Variants in SPNS3 observed in about 807,000 individuals in gnomAD.
SPNS3 encodes protein spinster homolog 3.
Under a neutral mutation model 54.4 loss-of-function variants are expected in SPNS3, and 51 were observed. The observed-to-expected ratio is 0.94, with a 90% CI of 0.75 to 1.18. The LOEUF (loss-of-function observed/expected upper bound fraction) is 1.18, where lower values mean the gene tolerates loss of function less well. SPNS3 is among the 50% of genes most tolerant of loss of function. SPNS3 has a pLI of 0.00. For missense variants in SPNS3, 669 were observed against 677.4 expected, an observed-to-expected ratio of 0.99 and a Z score of 0.14; for synonymous variants, 309 against 294.7, an observed-to-expected ratio of 1.05 and a Z score of -0.50.
At chr17:4,445,249 C>T (rs1567555244) in intron 3 of SPNS3, 81 bp downstream of exon 3, 10 of 1,418,104 alleles carry the variant, frequency 7.1e-6, no homozygotes, top group Non-Finnish European at 7.7e-6. Context: ...GTCAGAGCTG[C>T]GTGGGGACAA....
At chr17:4,463,486 G>C (rs981038994) in intron 8 of SPNS3, among the ~76,000 whole-genome samples, 12 of 150,824 alleles carry the variant, frequency 8.0e-5, no homozygotes, top group African/African-American at 2.7e-4. Flanking sequence ...CCAGCACTTT[G>C]GGAGGTCAAG....
Position 4,453,034 on chromosome 17 carries a change from G to A in SPNS3, c.942G>A (p.Leu314=). The change falls in exon 8 of 12, where the codon CTG becomes CTA. Residue 314 remains leucine, a synonymous_variant. Coordinates refer to ENST00000355530, the MANE Select transcript of SPNS3 (RefSeq NM_182538.5). ...CCATCAGCCTGATTTTTGGGGCACT[G>A]ACCATCATGACCGGCGTCATTGGGG... ...SNPDSLIFGA[L]TIMTGVIGVI... is the part of the protein sequence containing the mutation. The A allele has an allele frequency of 6.2e-7, 1 of 1,613,744 alleles. No homozygotes were observed.
intron 8 of SPNS3, among the ~76,000 whole-genome samples, chr17:4,460,485 G>T (rs1243414869): frequency 2.1e-5 from 3 of 145,994 alleles, no homozygotes; most frequent in African/African-American, 2.6e-5. Flanking sequence ...AGGCTGGAGT[G>T]CAGTGGCGTG....
Position 4,445,550 on chromosome 17 carries a change from A to AT in SPNS3, c.402+388dup, listed in dbSNP as rs1185533182. Among the ~76,000 whole-genome samples the AT allele has an allele frequency of 3.3e-5, 5 of 151,780 alleles. No individual in the cohort carries two copies. The East Asian group carries it at 9.7e-4, about 29-fold the overall frequency. On this transcript the variant is annotated intron_variant, in intron 3 of 11. Transcript: ENST00000355530. ...GCCACCACGCCCAGCTAATTTTTGTATTTTTTAGTAGAGACAGGGTTTCAC... is the reference window on the plus strand; with the variant it reads ...GCCACCACGCCCAGCTAATTTTTGTATTTTTTTAGTAGAGACAGGGTTTCAC...
At chr17:4,449,161 G>C in intron 6 of SPNS3, 74 bp from the exon 7 acceptor site, 2 of 1,524,874 alleles carry the variant, frequency 1.3e-6, no homozygotes, top group Non-Finnish European at 1.8e-6. Flanking sequence ...GACTGCCCAG[G>C]AGTGGGGAGG....
At chr17:4,474,691 G>C (rs375072217) in intron 8 of SPNS3, among the ~76,000 whole-genome samples, 1 of 152,276 alleles carries the variant, frequency 6.6e-6, no homozygotes, top group East Asian at 1.9e-4. Context: ...ACAGGAGTGA[G>C]ACACAAGCAT....
At chr17:4,482,077 C>A (rs184111435) in intron 9 of SPNS3, 2 of 152,120 alleles carry the variant, frequency 1.3e-5, no homozygotes, top group Non-Finnish European at 2.9e-5. Flanking sequence ...TTAGTAGAGA[C>A]GGGGTTCACC....
chr17:4,458,209 CA>C (rs944521467), intron 8 of SPNS3, among the ~76,000 whole-genome samples: 4 of 152,300 alleles, frequency 2.6e-5, no homozygotes, highest in Non-Finnish European at 5.9e-5. Context: ...TTCTAGAAGC[CA>C]CCTTCCTGGT....
intron 8 of SPNS3, among the ~76,000 whole-genome samples, chr17:4,475,704 AG>A (rs1173531959): frequency 6.6e-6 from 1 of 152,148 alleles, no homozygotes; most frequent in African/African-American, 2.4e-5. Context: ...GTTCAGTGTG[AG>A]GTGCCTGTGG....
In SPNS3 at chr17:4,457,742, C is replaced by G. The variant is rs77424385; in HGVS notation, c.1113+4537C>G. On this transcript the variant is annotated intron_variant, in intron 8 of 11. Coordinates refer to ENST00000355530, the MANE Select transcript of SPNS3 (RefSeq NM_182538.5). The stretch of plus-strand genomic sequence containing the variant: ...GGCTGTGTTTTGGGGACACAGCTGC[C>G]CCCCCCTCACCCCCTGCACCCTGCA... Among the ~76,000 whole-genome samples, 1,099 of 147,126 alleles carry G rather than the reference C, an allele frequency of 7.5e-3. 12 individuals are homozygous for G. The highest frequency in any genetic ancestry group is 0.027 in the African/African-American group (1,052 of 39,654).
At chr17:4,448,663 C>T (rs761924714) in intron 6 of SPNS3, among the ~76,000 whole-genome samples, 15 of 152,208 alleles carry the variant, frequency 9.9e-5, no homozygotes, top group Non-Finnish European at 1.9e-4. Flanking sequence ...TGGGAGGATG[C>T]TGGGAATTCA....
intron 3 of SPNS3, 73 bp from the exon 4 acceptor site, chr17:4,445,975 C>A: frequency 6.6e-7 from 1 of 1,518,892 alleles, no homozygotes; most frequent in Non-Finnish European, 8.9e-7. Flanking sequence ...TTGGCTCCTC[C>A]GACAAACCCT....
chr17:4,479,004 C>A (rs1479525057), intron 9 of SPNS3, among the ~76,000 whole-genome samples: 1 of 152,104 alleles, frequency 6.6e-6, no homozygotes, highest in Non-Finnish European at 1.5e-5. Flanking sequence ...GTGCAATGGC[C>A]TGATCTTGGC....
chr17:4,448,580 A>G (rs909948698), intron 6 of SPNS3, among the ~76,000 whole-genome samples: 11 of 152,230 alleles, frequency 7.2e-5, no homozygotes, highest in South Asian at 2.1e-4. Context: ...AAGTGGCTCC[A>G]GCACTCAGAG....
At chr17:4,458,898 C>T (rs1971420003) in intron 8 of SPNS3, among the ~76,000 whole-genome samples, 1 of 151,894 alleles carries the variant, frequency 6.6e-6, no homozygotes, top group African/African-American at 2.4e-5. Context: ...GGAACTAGGC[C>T]CAGCCCCTTA....
chr17:4,448,099 T>C, intron 5 of SPNS3, 56 bp from the exon 6 acceptor site: 3 of 1,480,078 alleles, frequency 2.0e-6, no homozygotes, highest in South Asian at 1.4e-5. Flanking sequence ...CCCCCGGGGG[T>C]CCCTTGGGCT....
At chr17:4,458,033 T>C (rs1161375428) in intron 8 of SPNS3, among the ~76,000 whole-genome samples, 1 of 151,836 alleles carries the variant, frequency 6.6e-6, no homozygotes, top group African/African-American at 2.4e-5. Context: ...TGGCTCTGTC[T>C]GTGCCTCCGT....
At chr17:4,444,986 C>T (rs1188065232) in intron 2 of SPNS3, 46 bp from the exon 3 acceptor site, 1 of 1,579,048 alleles carries the variant, frequency 6.3e-7, no homozygotes, top group African/African-American at 1.3e-5. Flanking sequence ...ATCTGCCCTG[C>T]CACGGTCGTG....
intron 6 of SPNS3, 85 bp from the exon 7 acceptor site, chr17:4,449,150 A>C: frequency 6.7e-7 from 1 of 1,483,338 alleles, no homozygotes; most frequent in Non-Finnish European, 9.1e-7. Flanking sequence ...GAAAGTTCCT[A>C]GACTGCCCAG....
Sources: gnomAD v4.1 joint callset for allele counts (sites outside exome capture counted in the v4.1 genomes callset) on GRCh38, gnomAD v4.1.1 for gene constraint, MANE v1.5 for transcripts, NCBI Gene and HGNC (gene_info 2026-07-23, HGNC 2026-07-21) for gene names.